The following GRIN2B variants were observed in gnomAD, a reference collection of about 807,000 sequenced individuals.
GRIN2B encodes the protein glutamate receptor ionotropic, NMDA 2B.
In GRIN2B, 5 loss-of-function variants were observed where a neutral mutation model predicts 114.5. The ratio of observed to expected loss-of-function variants is 0.04; its 90% CI spans 0.02 to 0.09. The LOEUF (loss-of-function observed/expected upper bound fraction) is 0.09. GRIN2B is among the 10% of genes least tolerant of loss of function. GRIN2B has a pLI of 1.00. For synonymous variants in GRIN2B, 787 were observed against 745.1 expected, an observed-to-expected ratio of 1.06 and a Z score of -0.92; for missense variants, 1,108 against 1,943.5, an observed-to-expected ratio of 0.57 and a Z score of 8.08.
intron 2 of GRIN2B, among the ~76,000 whole-genome samples, chr12:13,958,418 C>T (rs1318646530): frequency 6.6e-6 from 1 of 152,202 alleles, no homozygotes; most frequent in African/African-American, 2.4e-5. Context: ...CATAATGGAA[C>T]ATCATCATCT....
Position 13,551,987 on chromosome 12 carries a change from C to T in GRIN2B, c.*10796G>A, listed in dbSNP as rs1006000443. The T allele has an allele frequency of 1.3e-5, 2 of 152,176 alleles. No individual in the cohort carries two copies. Among genetic ancestry groups the T allele is most frequent in the Non-Finnish European group, 2.9e-5 (2 of 68,026 alleles). 9.4% of individuals were successfully genotyped at this position (152,176 alleles called of 1,614,324 possible). On this transcript the variant is annotated 3_prime_UTR_variant, in exon 14 of 14. Coordinates refer to ENST00000609686, the MANE Select transcript of GRIN2B (RefSeq NM_000834.5). ...TTCATTTCGAAAAAAAAACAATCCC[C>T]TCTGGAAACAGGTAATATACTTATC...
intron 3 of GRIN2B, among the ~76,000 whole-genome samples, chr12:13,824,630 G>A (rs533514271): frequency 1.6e-4 from 25 of 152,016 alleles, no homozygotes; most frequent in African/African-American, 4.1e-4. Context: ...CGAGGCAGGC[G>A]GATCACAAGG....
intron 3 of GRIN2B, among the ~76,000 whole-genome samples, chr12:13,770,974 C>A (rs1482998197): frequency 6.6e-6 from 1 of 152,214 alleles, no homozygotes; most frequent in Admixed American, 6.5e-5. Context: ...GTAGCCACCA[C>A]TTCACAATGG....
intron 3 of GRIN2B, among the ~76,000 whole-genome samples, chr12:13,825,504 G>T (rs1489563659): frequency 1.6e-4 from 20 of 125,000 alleles, no homozygotes; most frequent in Admixed American, 4.8e-4. Context: ...TTTTGTGTGT[G>T]TGTGTGTGTG....
At chr12:13,855,048 T>TAAAAAA (rs1865634921) in intron 3 of GRIN2B, among the ~76,000 whole-genome samples, 1 of 35,082 alleles carries the variant, frequency 2.9e-5, no homozygotes, top group Non-Finnish European at 5.7e-5. Context: ...CCATCTCTAC[T>TAAAAAA]GAAAAAAAAA....
At chr12:13,946,994 G>A (rs190525058) in intron 2 of GRIN2B, among the ~76,000 whole-genome samples, 6 of 152,256 alleles carry the variant, frequency 3.9e-5, no homozygotes, top group Non-Finnish European at 8.8e-5. Flanking sequence ...ATTTTCTTTG[G>A]TAAGGAGAGA....
chr12:13,824,682 G>A (rs890818861), intron 3 of GRIN2B, among the ~76,000 whole-genome samples: 2 of 151,656 alleles, frequency 1.3e-5, no homozygotes, highest in African/African-American at 2.4e-5. Context: ...GTGAAACCCC[G>A]TCTCTACTAA....
At chr12:13,815,550 A>G (rs985744310) in intron 3 of GRIN2B, among the ~76,000 whole-genome samples, 5 of 152,226 alleles carry the variant, frequency 3.3e-5, no homozygotes, top group African/African-American at 1.2e-4. Flanking sequence ...GATACGTGCT[A>G]GAAAAACTTG....
Position 13,571,840 on chromosome 12 carries a change from C to T in GRIN2B, c.2135G>A (p.Arg712Lys). ...MHAYMGKFNQ[R>K]GVDDALLSLK... Reference sequence around the variant, plus strand: ...GGAGAGCAATGCATCATCTACACCCCTCTGGTTGAACTTTCCCATGTAGGC... The same window carrying T: ...GGAGAGCAATGCATCATCTACACCCTTCTGGTTGAACTTTCCCATGTAGGC... The change falls in exon 11 of 14, where the codon AGG becomes AAG. Residue 712 changes from arginine (R) to lysine (K), a missense_variant. Physicochemically the swap from Arg to Lys is conservative, Grantham distance 26. Coordinates refer to ENST00000609686, the MANE Select transcript of GRIN2B (RefSeq NM_000834.5). The T allele has an allele frequency of 6.2e-7, 1 of 1,614,126 alleles. No homozygotes were observed.
At chr12:13,608,141 C>T (rs770657035) in intron 10 of GRIN2B, among the ~76,000 whole-genome samples, 67 of 152,218 alleles carry the variant, frequency 4.4e-4, no homozygotes, top group Non-Finnish European at 6.6e-4. Flanking sequence ...AATGCTTCTT[C>T]CTGCTCAGCC....
chr12:13,966,574 G>A (rs1202248984), intron 2 of GRIN2B, among the ~76,000 whole-genome samples: 3 of 152,164 alleles, frequency 2.0e-5, no homozygotes, highest in Non-Finnish European at 2.9e-5. Flanking sequence ...CTTGCCAGAT[G>A]TAATTTGATG....
intron 4 of GRIN2B, among the ~76,000 whole-genome samples, chr12:13,683,104 G>A (rs999369600): frequency 6.6e-6 from 1 of 152,102 alleles, no homozygotes; most frequent in African/African-American, 2.4e-5. Context: ...GCCATGGCTA[G>A]GGAACAATGC....
chr12:13,736,790 C>T (rs958819159), intron 4 of GRIN2B, among the ~76,000 whole-genome samples: 10 of 151,900 alleles, frequency 6.6e-5, no homozygotes, highest in African/African-American at 1.9e-4. Context: ...GAGGCCAAGG[C>T]GGGTGGATCA....
intron 4 of GRIN2B, among the ~76,000 whole-genome samples, chr12:13,706,709 CT>C (rs1195687924): frequency 7.9e-5 from 12 of 152,120 alleles, no homozygotes; most frequent in African/African-American, 2.9e-4. Context: ...TTTTTTGAAT[CT>C]CCTAAACTGG....
chr12:13,954,818 A>AAAAAAAC (rs1867557754), intron 2 of GRIN2B, among the ~76,000 whole-genome samples: 1 of 146,828 alleles, frequency 6.8e-6, no homozygotes, highest in Non-Finnish European at 1.5e-5. Flanking sequence ...CAGGAAAAAA[A>AAAAAAAC]AAAAAAAAAA....
At chr12:13,616,369 C>T (rs1211437140) in intron 6 of GRIN2B, 86 bp downstream of exon 6, 14 of 937,672 alleles carry the variant, frequency 1.5e-5, no homozygotes, top group Non-Finnish European at 2.3e-5. Flanking sequence ...ATTCTCATGC[C>T]TCAGGTCTCA....
At chr12:13,739,589 G>A (rs2160402) in intron 4 of GRIN2B, among the ~76,000 whole-genome samples, 12,170 of 151,914 alleles carry the variant, frequency 0.08, 624 homozygotes, top group East Asian at 0.19. Flanking sequence ...GGGCTGTTCC[G>A]CACACTTCTG....
rs549917402 is a variant in GRIN2B, at chr12:13,575,156, A to G, written c.2011-3192T>C. 8.5e-5 allele frequency among the ~76,000 whole-genome samples: 13 copies of G among 152,358 alleles called. No individual in the cohort carries two copies. The South Asian group carries it at 2.7e-3, about 32-fold the overall frequency. On this transcript the variant is annotated intron_variant, in intron 10 of 13. Transcript: ENST00000609686. ...TGAGTTAGACAGAGATTTCTTAGCT[A>G]CAACACCAAAAGCACAATCCACCAA...
chr12:13,918,738 T>C (rs1037934972), intron 2 of GRIN2B, among the ~76,000 whole-genome samples: 3 of 152,238 alleles, frequency 2.0e-5, no homozygotes, highest in Admixed American at 1.3e-4. Context: ...ATTCATAAAC[T>C]ACACATTATG....
Sources: allele counts gnomAD v4.1 joint callset (sites outside exome capture counted in the v4.1 genomes callset), GRCh38; gene constraint gnomAD v4.1.1; transcripts MANE v1.5; gene names NCBI Gene and HGNC (gene_info 2026-07-23, HGNC 2026-07-21).